HACE1: variants seen among roughly 807,000 people sequenced by gnomAD.
HACE1 encodes E3 ubiquitin-protein ligase HACE1.
In HACE1, 73 loss-of-function variants were observed where a neutral mutation model predicts 118.4. The observed-to-expected ratio is 0.62, with a 90% CI of 0.51 to 0.75. The LOEUF is 0.75. HACE1 is among the 30% of genes least tolerant of loss of function. The probability of loss-of-function intolerance (pLI) is 0.00; values close to 1 mark genes in which losing one functional copy is unlikely to be tolerated. For synonymous variants in HACE1, 368 were observed against 374.8 expected, an observed-to-expected ratio of 0.98 and a Z score of 0.21; for missense variants, 749 against 1,102.2, an observed-to-expected ratio of 0.68 and a Z score of 4.54.
At chr6:104,836,751 C>T (rs373323053) in intron 5 of HACE1, among the ~76,000 whole-genome samples, 8 of 152,108 alleles carry the variant, frequency 5.3e-5, no homozygotes, top group African/African-American at 1.7e-4. Flanking sequence ...TACGTGCAGA[C>T]AACATGACTG....
rs1336259709 is a variant in HACE1 at position 104,811,360 on chromosome 6, T to C, written c.568A>G (p.Ile190Val). The C allele has an allele frequency of 6.4e-7, 1 of 1,550,946 alleles. No individual in the cohort carries two copies. The highest frequency in any genetic ancestry group is 8.9e-7 in the Non-Finnish European group (1 of 1,124,646). The change falls in exon 7 of 24, where the codon ATT (isoleucine) becomes GTT (valine). Residue 190 changes from isoleucine to valine, a missense_variant. Ile to Val is a conservative substitution (Grantham distance 29). Transcript: ENST00000262903. ...VQCLLDSGAD[I>V]NRPNVSGATP... ...GCTCCTGATACATTTGGCCTGTTAA[T>C]ATCAGCACCACTGTCTAGCAAGCAC...
chr6:104,804,035 T>A (rs1770707207), intron 7 of HACE1, among the ~76,000 whole-genome samples: 1 of 152,066 alleles, frequency 6.6e-6, no homozygotes, highest in Admixed American at 6.5e-5. Context: ...ACAAAATCAA[T>A]GGGCAAAAAT....
chr6:104,836,037 C>CA (rs1491290276), intron 5 of HACE1, among the ~76,000 whole-genome samples: 3 of 152,224 alleles, frequency 2.0e-5, no homozygotes, highest in African/African-American at 4.8e-5. Context: ...ATCTCCCATG[C>CA]ACACTCTCAG....
chr6:104,773,333 C>A (rs1780843706), intron 17 of HACE1, among the ~76,000 whole-genome samples: 1 of 152,032 alleles, frequency 6.6e-6, no homozygotes, highest in Non-Finnish European at 1.5e-5. Context: ...ATAATTCACT[C>A]TGTGTTTCAC....
At chr6:104,852,194 A>ACTGG (rs1776271945) in intron 2 of HACE1, 123 bp downstream of exon 2, 1 of 428,900 alleles carries the variant, frequency 2.3e-6, no homozygotes, top group African/African-American at 3.4e-5. Flanking sequence ...CTATGTCCAA[A>ACTGG]CTGTCTGTGT....
intron 5 of HACE1, among the ~76,000 whole-genome samples, chr6:104,836,908 G>A (rs1349681740): frequency 1.3e-5 from 2 of 152,114 alleles, no homozygotes; most frequent in East Asian, 3.9e-4. Flanking sequence ...TTATAATTAT[G>A]CCAAAGAAAA....
chr6:104,754,851 A>T (rs2114596442), intron 19 of HACE1, among the ~76,000 whole-genome samples: 1 of 152,346 alleles, frequency 6.6e-6, no homozygotes, highest in African/African-American at 2.4e-5. Context: ...TACACTGACC[A>T]GTGACACTAT....
intron 6 of HACE1, among the ~76,000 whole-genome samples, chr6:104,812,460 A>G (rs1408963138): frequency 6.6e-6 from 1 of 152,142 alleles, no homozygotes; most frequent in African/African-American, 2.4e-5. Context: ...AAAAAACAAA[A>G]TAGTTTGAAA....
rs1780677953 is a variant in HACE1, at chr6:104,772,079, T to A, written c.1865-5A>T. ...TATTAGGCTGAAAAGTTGTTCCTAT[T>A]GAAATAAATACAAAATAATATATTA... On this transcript the variant is annotated splice_polypyrimidine_tract_variant and splice_region_variant and intron_variant, in intron 17 of 23. Transcript: ENST00000262903. The A allele has an allele frequency of 2.0e-6, 3 of 1,477,910 alleles. No individual in the cohort carries two copies. The highest frequency in any genetic ancestry group is 2.8e-6 in the Non-Finnish European group (3 of 1,057,654). 91.5% of individuals were successfully genotyped at this position (1,477,910 alleles called of 1,614,324 possible). A position where few individuals can be genotyped will look rare whatever the true frequency, so the allele number is the denominator to read the frequency against.
intron 11 of HACE1, 55 bp downstream of exon 11, chr6:104,791,449 T>A: frequency 6.8e-7 from 1 of 1,473,190 alleles, no homozygotes; most frequent in Non-Finnish European, 9.5e-7. Context: ...GCATGCTTTG[T>A]CAAATTCATC....
intron 14 of HACE1, among the ~76,000 whole-genome samples, chr6:104,783,148 G>A (rs968554741): frequency 3.9e-5 from 6 of 152,090 alleles, no homozygotes; most frequent in South Asian, 2.1e-4. Context: ...CAGCCCACAT[G>A]GTGGCTAGAA....
chr6:104,772,182 T>C (rs1780693819), intron 17 of HACE1, 108 bp from the exon 18 acceptor site: 1 of 663,292 alleles, frequency 1.5e-6, no homozygotes, highest in African/African-American at 1.8e-5. Context: ...AAAGCTAAGG[T>C]TACATTATGT....
At position 104,772,056 on chromosome 6, in the gene HACE1, T is replaced by C; in HGVS notation, c.1883A>G (p.Asn628Ser). ...QSADGTTFQP[N>S]SNSYVNPDHL... ...ATCAGGATTTACATAAGAGTTGCTA[T>C]TAGGCTGAAAAGTTGTTCCTATTGA... is the stretch of plus-strand genomic sequence containing the variant. Residue 628 changes from asparagine to serine, a missense_variant, in exon 18 of 24, where the codon AAT becomes AGT. By Grantham distance (46) the Asn-to-Ser change is conservative. Transcript: ENST00000262903. 3 of 1,598,384 alleles carry C rather than the reference T, an allele frequency of 1.9e-6. No homozygotes were observed. Among genetic ancestry groups the C allele is most frequent in the Non-Finnish European group, 2.6e-6 (3 of 1,166,148 alleles).
intron 6 of HACE1, among the ~76,000 whole-genome samples, chr6:104,819,180 A>G (rs751817607): frequency 6.6e-6 from 1 of 152,236 alleles, no homozygotes; most frequent in Admixed American, 6.5e-5. Flanking sequence ...CCAATTAACA[A>G]CCTCAACAAA....
intron 20 of HACE1, among the ~76,000 whole-genome samples, chr6:104,745,170 A>G (rs1052622510): frequency 1.3e-5 from 2 of 152,212 alleles, no homozygotes; most frequent in Non-Finnish European, 2.9e-5. Flanking sequence ...CTGTAAAGTC[A>G]ATTTTCTCCA....
At chr6:104,811,438 C>T in intron 6 of HACE1, 45 bp from the exon 7 acceptor site, 1 of 890,090 alleles carries the variant, frequency 1.1e-6, no homozygotes, top group African/African-American at 1.6e-5. Flanking sequence ...AGGAATCAAA[C>T]AAAAGATACA....
Position 104,735,357 on chromosome 6 carries a change from G to A in HACE1, c.2514-4941C>T, listed in dbSNP as rs977840057. Among the ~76,000 whole-genome samples, 51 of 152,192 alleles carry A rather than the reference G, an allele frequency of 3.4e-4. 1 individual carries two copies. The highest frequency in any genetic ancestry group is 3.4e-3 in the Middle Eastern group (1 of 294). On this transcript the variant is annotated intron_variant, in intron 22 of 23. Coordinates refer to ENST00000262903, the MANE Select transcript of HACE1 (RefSeq NM_020771.4). ...ATGAAAGTAAAAATGGGCCGGGTGC[G>A]GTGGCTCACGCCTACATGTAATCCC...
In HACE1 at chr6:104,771,217, A is replaced by G. The variant is rs1562331286; in HGVS notation, c.2187T>C (p.Ser729=). Residue 729 remains serine (S), a synonymous_variant, in exon 19 of 24, where the codon AGT becomes AGC. Transcript: ENST00000262903. ...EEVPLKPGGG[S]ILVTQNNKAE... ...CTTTATTATTTTGTGTCACAAGAAT[A>G]CTCCCACCCCCAGGTTTCAAAGGCA... The G allele has an allele frequency of 6.2e-7, 1 of 1,612,550 alleles. No homozygotes were observed. Among genetic ancestry groups the G allele is most frequent in the Non-Finnish European group, 8.5e-7 (1 of 1,178,634 alleles).
At chr6:104,789,869 T>C (rs1243703772) in intron 11 of HACE1, among the ~76,000 whole-genome samples, 1 of 152,100 alleles carries the variant, frequency 6.6e-6, no homozygotes, top group African/African-American at 2.4e-5. Context: ...TAAAAACAAC[T>C]TTGTGTGATA....
Sources: gnomAD v4.1 joint callset for allele counts (sites outside exome capture counted in the v4.1 genomes callset) on GRCh38, gnomAD v4.1.1 for gene constraint, MANE v1.5 for transcripts, NCBI Gene and HGNC (gene_info 2026-07-23, HGNC 2026-07-21) for gene names.